Variants in CPQ observed in about 807,000 individuals in gnomAD.
CPQ encodes the protein Ser-Met dipeptidase.
In CPQ, 37 loss-of-function variants were observed where a neutral mutation model predicts 45.7. That is an observed-to-expected ratio of 0.81 (90% CI 0.62 to 1.07). The LOEUF (loss-of-function observed/expected upper bound fraction) is 1.07, where lower values mean the gene tolerates loss of function less well. CPQ is among the 50% of genes least tolerant of loss of function. The pLI is 0.00. For synonymous variants in CPQ, 186 were observed against 205.8 expected (o/e 0.90, Z 0.82); for missense variants, 537 against 572.9 (o/e 0.94, Z 0.64).
intron 4 of CPQ, among the ~76,000 whole-genome samples, chr8:96,893,128 C>G (rs1216566331): frequency 1.3e-5 from 2 of 152,180 alleles, no homozygotes; most frequent in Non-Finnish European, 2.9e-5. Context: ...TGCAAAGCTT[C>G]TGAGTGGCTG....
intron 1 of CPQ, among the ~76,000 whole-genome samples, chr8:96,665,474 T>C (rs982023772): frequency 1.3e-5 from 2 of 152,172 alleles, no homozygotes; most frequent in East Asian, 1.9e-4. Context: ...TCCTGAATTA[T>C]AGGGACAATT....
intron 7 of CPQ, among the ~76,000 whole-genome samples, chr8:97,135,493 G>A (rs1047287318): frequency 3.9e-5 from 6 of 152,014 alleles, no homozygotes; most frequent in African/African-American, 1.4e-4. Context: ...AATTGTTTTG[G>A]TAATAATGTG....
intron 3 of CPQ, among the ~76,000 whole-genome samples, chr8:96,841,292 T>G (rs1053987752): frequency 1.3e-5 from 2 of 152,228 alleles, no homozygotes; most frequent in African/African-American, 4.8e-5. Flanking sequence ...TGTTGTCCGC[T>G]TTTTAGATCA....
chr8:97,082,260 T>C (rs755974703), intron 7 of CPQ, among the ~76,000 whole-genome samples: 39 of 152,190 alleles, frequency 2.6e-4, no homozygotes, highest in Non-Finnish European at 4.7e-4. Flanking sequence ...ACTTCCCCCC[T>C]TGGGGTAAAC....
intron 5 of CPQ, among the ~76,000 whole-genome samples, chr8:97,000,552 G>A (rs182028523): frequency 2.0e-5 from 3 of 152,004 alleles, no homozygotes; most frequent in Middle Eastern, 6.8e-3. Flanking sequence ...ATGATTGTAG[G>A]TGCATGGCCT....
At position 96,966,009 on chromosome 8, in the gene CPQ, T is replaced by C; in HGVS notation, c.924T>C (p.Phe308=). 6.2e-7 allele frequency: 1 copy of C among 1,613,948 alleles called. No homozygotes were observed. The highest frequency in any genetic ancestry group is 8.5e-7 in the Non-Finnish European group (1 of 1,179,904). ...CCATGGATGATGGCGGTGGAGCCTT[T>C]ATATCATGGGAAGCACTCTCACTTA... The part of the protein sequence containing the change: ...QGAMDDGGGA[F]ISWEALSLIK... Residue 308 remains phenylalanine (F), a synonymous_variant, in exon 5 of 8, where the codon TTT becomes TTC. Transcript: ENST00000220763.
intron 3 of CPQ, among the ~76,000 whole-genome samples, chr8:96,855,480 T>C (rs1811834370): frequency 6.6e-6 from 1 of 152,196 alleles, no homozygotes; most frequent in Non-Finnish European, 1.5e-5. Flanking sequence ...TTCCAAACTA[T>C]AGAAAGAATT....
At chr8:96,758,190 A>G (rs1176857235) in intron 1 of CPQ, among the ~76,000 whole-genome samples, 2 of 152,174 alleles carry the variant, frequency 1.3e-5, no homozygotes, top group African/African-American at 4.8e-5. Context: ...CAAAAGTAAA[A>G]TAAGTAGAGC....
At chr8:96,789,876 G>C (rs927052722) in intron 2 of CPQ, among the ~76,000 whole-genome samples, 2 of 152,132 alleles carry the variant, frequency 1.3e-5, no homozygotes, top group Non-Finnish European at 2.9e-5. Context: ...ATGTTTTCAA[G>C]TCTGACCCAT....
At chr8:97,069,946 G>A (rs2130535272) in intron 7 of CPQ, among the ~76,000 whole-genome samples, 1 of 152,038 alleles carries the variant, frequency 6.6e-6, no homozygotes, top group South Asian at 2.1e-4. Flanking sequence ...GAAGACAAAA[G>A]GATCAATTTA....
At chr8:97,045,404 A>T (rs899973866) in intron 6 of CPQ, among the ~76,000 whole-genome samples, 14 of 152,090 alleles carry the variant, frequency 9.2e-5, no homozygotes, top group Non-Finnish European at 8.8e-5. Flanking sequence ...CCTTTCTTTG[A>T]CTAGGAAAGG....
intron 1 of CPQ, among the ~76,000 whole-genome samples, chr8:96,727,981 T>C (rs931408842): frequency 3.3e-5 from 5 of 152,186 alleles, no homozygotes; most frequent in Non-Finnish European, 5.9e-5. Context: ...AGGTCGCCCG[T>C]TGGTGAACTT....
chr8:96,886,587 C>G (rs748605081), intron 4 of CPQ, among the ~76,000 whole-genome samples: 1 of 152,186 alleles, frequency 6.6e-6, no homozygotes, highest in Non-Finnish European at 1.5e-5. Flanking sequence ...AGTACAAACT[C>G]TATGACTTTC....
At chr8:96,882,543 T>C (rs1156656992) in intron 4 of CPQ, among the ~76,000 whole-genome samples, 1 of 152,124 alleles carries the variant, frequency 6.6e-6, no homozygotes, top group Non-Finnish European at 1.5e-5. Context: ...GGCCTAAGGT[T>C]GTGGGCAGGT....
At chr8:96,870,800 A>G (rs2130874067) in intron 3 of CPQ, among the ~76,000 whole-genome samples, 1 of 152,162 alleles carries the variant, frequency 6.6e-6, no homozygotes, top group South Asian at 2.1e-4. Flanking sequence ...GATTTTTGAC[A>G]GAATGGTGTA....
chr8:96,969,456 T>C (rs537841487), intron 5 of CPQ, among the ~76,000 whole-genome samples: 2 of 151,704 alleles, frequency 1.3e-5, no homozygotes, highest in East Asian at 3.9e-4. Flanking sequence ...GTTCTCTGAA[T>C]GTAGGATGTA....
chr8:96,893,005 G>A (rs1203998916), intron 4 of CPQ, among the ~76,000 whole-genome samples: 2 of 152,106 alleles, frequency 1.3e-5, no homozygotes, highest in Non-Finnish European at 2.9e-5. Context: ...AGTAGTCTAC[G>A]TGTTTCTCAT....
intron 4 of CPQ, among the ~76,000 whole-genome samples, chr8:96,958,268 A>G (rs1813390626): frequency 6.6e-6 from 1 of 152,182 alleles, no homozygotes; most frequent in Non-Finnish European, 1.5e-5. Flanking sequence ...ATTATGGGAA[A>G]GATGATCAAT....
chr8:96,648,148 T>C (rs1046248910), intron 1 of CPQ, among the ~76,000 whole-genome samples: 1 of 152,192 alleles, frequency 6.6e-6, no homozygotes, highest in Non-Finnish European at 1.5e-5. Flanking sequence ...TTTGTTTCTT[T>C]TTCGTCAGCC....
Sources: allele counts gnomAD v4.1 joint callset (sites outside exome capture counted in the v4.1 genomes callset), GRCh38; gene constraint gnomAD v4.1.1; transcripts MANE v1.5; gene names NCBI Gene and HGNC (gene_info 2026-07-23, HGNC 2026-07-21).